The following RABGEF1 variants were observed in gnomAD, a reference collection of about 807,000 sequenced individuals.
The protein encoded by RABGEF1 is RAB guanine nucleotide exchange factor 1.
In RABGEF1, 26 loss-of-function variants were observed where a neutral mutation model predicts 57.3. That is an observed-to-expected ratio of 0.45 (90% CI 0.33 to 0.63). RABGEF1 has a LOEUF of 0.63. Among genes scored for constraint, RABGEF1 ranks in the 20% least tolerant of loss-of-function variants. The probability of loss-of-function intolerance (pLI) is 0.02; values close to 1 mark genes in which losing one functional copy is unlikely to be tolerated. For missense variants in RABGEF1, 464 were observed against 607.6 expected (o/e 0.76, Z 2.48); for synonymous variants, 185 against 210.7 (o/e 0.88, Z 1.06).
intron 1 of RABGEF1, among the ~76,000 whole-genome samples, chr7:66,765,455 G>A (rs1805459846): frequency 6.6e-6 from 1 of 151,890 alleles, no homozygotes; most frequent in South Asian, 2.1e-4. Flanking sequence ...ATAGATAATA[G>A]GCTCTACTGG....
intron 1 of RABGEF1, among the ~76,000 whole-genome samples, chr7:66,742,181 ATTG>A (rs1432689089): frequency 1.3e-5 from 2 of 152,134 alleles, no homozygotes; most frequent in Admixed American, 1.3e-4. Context: ...GTTCCTTAAA[ATTG>A]TTGTACCAAG....
At chr7:66,788,299 G>A (rs1316209943) in intron 4 of RABGEF1, among the ~76,000 whole-genome samples, 1 of 152,058 alleles carries the variant, frequency 6.6e-6, no homozygotes, top group Non-Finnish European at 1.5e-5. Flanking sequence ...ACAAAAATTA[G>A]CTGGGCATGG....
intron 1 of RABGEF1, among the ~76,000 whole-genome samples, chr7:66,708,509 G>A (rs950011199): frequency 3.3e-5 from 5 of 151,926 alleles, no homozygotes; most frequent in African/African-American, 1.2e-4. Flanking sequence ...GGCTGGCTTC[G>A]AACTCCTGAC....
At chr7:66,712,771 C>A (rs1254700674) in intron 2 of RABGEF1, among the ~76,000 whole-genome samples, 1 of 151,900 alleles carries the variant, frequency 6.6e-6, no homozygotes, top group Non-Finnish European at 1.5e-5. Flanking sequence ...CTGCACCCAG[C>A]CTCTTTCTGA....
rs377024104 is a variant in RABGEF1, at chr7:66,786,972, G to A, written c.513+3131G>A. ...TCATAGCAAGAATTTAAATTGCTGA[G>A]CCAAATTAATAAAGCTTAATTTTTA... On this transcript the variant is annotated intron_variant, in intron 4 of 8. Coordinates refer to ENST00000284957, the MANE Select transcript of RABGEF1 (RefSeq NM_014504.3). Among the ~76,000 whole-genome samples, 50 of 152,284 alleles carry A rather than the reference G, an allele frequency of 3.3e-4. No individual in the cohort carries two copies. The East Asian group carries it at 7.9e-3, about 24-fold the overall frequency.
chr7:66,790,227 C>T (rs1812305697), intron 4 of RABGEF1, among the ~76,000 whole-genome samples: 1 of 152,258 alleles, frequency 6.6e-6, no homozygotes, highest in Non-Finnish European at 1.5e-5. Flanking sequence ...TGAAGAACCT[C>T]TGTGAAACTC....
chr7:66,701,085 T>G (rs1305641749), intron 1 of RABGEF1, among the ~76,000 whole-genome samples: 3 of 132,230 alleles, frequency 2.3e-5, no homozygotes, highest in South Asian at 5.6e-4. Flanking sequence ...GGGGCAGGGG[T>G]GGGGACTGTT....
chr7:66,658,113 A>G, the RABGEF1 span, among the ~76,000 whole-genome samples: 1 of 152,224 alleles, frequency 6.6e-6, no homozygotes, highest in Non-Finnish European at 1.5e-5. Context: ...GTGACTTTAC[A>G]ACAATTAAGG....
chr7:66,789,330 A>G (rs1479486247), intron 4 of RABGEF1, among the ~76,000 whole-genome samples: 2 of 152,210 alleles, frequency 1.3e-5, no homozygotes, highest in Non-Finnish European at 1.5e-5. Flanking sequence ...GAAGTGAGGC[A>G]GTGGAAATAG....
At chr7:66,681,092 AAAG>A (rs1168356881), upstream of RABGEF1, among the ~76,000 whole-genome samples, 8 of 152,154 alleles carry the variant, frequency 5.3e-5, no homozygotes, top group Admixed American at 1.3e-4. Flanking sequence ...AAAAAGAAAA[AAAG>A]AAGACTGAAA....
intron 1 of RABGEF1, among the ~76,000 whole-genome samples, chr7:66,698,669 T>A (rs1792730571): frequency 1.3e-5 from 2 of 152,008 alleles, no homozygotes; most frequent in African/African-American, 4.8e-5. Flanking sequence ...CCTGTGAAAA[T>A]GCATTGTCCC....
At chr7:66,726,412 T>C (rs917723960) in intron 2 of RABGEF1, among the ~76,000 whole-genome samples, 6 of 152,166 alleles carry the variant, frequency 3.9e-5, no homozygotes, top group Admixed American at 6.5e-5. Context: ...TTGTGCAGGC[T>C]GGAGTGCAGT....
intron 8 of RABGEF1, chr7:66,807,904 C>T (rs1358410300): frequency 1.3e-5 from 2 of 152,236 alleles, no homozygotes; most frequent in Non-Finnish European, 2.9e-5. Flanking sequence ...ATCCTCCCAC[C>T]TCGGCCTCCC....
chr7:66,791,564 A>C (rs897202631), intron 4 of RABGEF1, among the ~76,000 whole-genome samples: 14 of 152,246 alleles, frequency 9.2e-5, no homozygotes, highest in African/African-American at 3.4e-4. Context: ...AACTTAATGA[A>C]CCCATAAAAT....
chr7:66,687,773 A>C (rs1790906810), intron 1 of RABGEF1, among the ~76,000 whole-genome samples: 1 of 152,180 alleles, frequency 6.6e-6, no homozygotes, highest in African/African-American at 2.4e-5. Flanking sequence ...AGAATGAAGA[A>C]ATGAATTCCA....
At chr7:66,778,560 T>C (rs1417345659) in intron 3 of RABGEF1, among the ~76,000 whole-genome samples, 1 of 152,218 alleles carries the variant, frequency 6.6e-6, no homozygotes, top group African/African-American at 2.4e-5. Flanking sequence ...ACCTCTTTCA[T>C]GAACGGATCT....
chr7:66,799,000 T>C (rs1431207504), intron 6 of RABGEF1, among the ~76,000 whole-genome samples: 3 of 152,162 alleles, frequency 2.0e-5, no homozygotes, highest in Non-Finnish European at 4.4e-5. Context: ...ATTAACGCAG[T>C]AGGCAGCGAG....
intron 1 of RABGEF1, among the ~76,000 whole-genome samples, chr7:66,767,288 C>A (rs1252933580): frequency 1.3e-5 from 2 of 151,920 alleles, no homozygotes; most frequent in Non-Finnish European, 2.9e-5. Context: ...TAGGTGTGAG[C>A]CACTGTGCCC....
At chr7:66,808,353 T>C (rs1233820923) in intron 8 of RABGEF1, among the ~76,000 whole-genome samples, 3 of 152,058 alleles carry the variant, frequency 2.0e-5, no homozygotes, top group Non-Finnish European at 4.4e-5. Context: ...GTAGCGGGGA[T>C]TACAGGCGCC....
Sources: allele counts gnomAD v4.1 joint callset (sites outside exome capture counted in the v4.1 genomes callset), GRCh38; gene constraint gnomAD v4.1.1; transcripts MANE v1.5; gene names NCBI Gene and HGNC (gene_info 2026-07-23, HGNC 2026-07-21).